Variants in SINHCAF observed in about 807,000 individuals in gnomAD.
The protein encoded by SINHCAF is SIN3-HDAC complex-associated factor.
In SINHCAF, 3 loss-of-function variants were observed where a neutral mutation model predicts 25.8. The ratio of observed to expected loss-of-function variants is 0.12; its 90% CI spans 0.05 to 0.30. SINHCAF has a LOEUF of 0.30. SINHCAF is among the 10% of genes least tolerant of loss of function. The probability of loss-of-function intolerance (pLI) is 1.00; values close to 1 mark genes in which losing one functional copy is unlikely to be tolerated. For synonymous variants in SINHCAF, 70 were observed against 85.5 expected (o/e 0.82, Z 1.00); for missense variants, 121 against 262.3 (o/e 0.46, Z 3.72).
chr12:31,316,034 T>C (rs1282879537), intron 1 of SINHCAF, among the ~76,000 whole-genome samples: 1 of 152,080 alleles, frequency 6.6e-6, no homozygotes, highest in Admixed American at 6.6e-5. Context: ...GGCGTAGTAG[T>C]GGCAGACGCC....
intron 2 of SINHCAF, among the ~76,000 whole-genome samples, chr12:31,296,462 G>A (rs1318713129): frequency 1.3e-5 from 2 of 151,638 alleles, no homozygotes; most frequent in African/African-American, 4.8e-5. Context: ...CACCACACCC[G>A]GCCTGTGTAG....
At chr12:31,305,951 C>T (rs1445224867) in intron 1 of SINHCAF, among the ~76,000 whole-genome samples, 4 of 152,120 alleles carry the variant, frequency 2.6e-5, no homozygotes, top group Non-Finnish European at 4.4e-5. Flanking sequence ...CCGCCCGCCT[C>T]GGCCTCCCAA....
Position 31,282,641 on chromosome 12 carries a change from G to A in SINHCAF, c.*71C>T. On this transcript the variant is annotated 3_prime_UTR_variant, in exon 6 of 6. Transcript: ENST00000337682. ...CCGTCTCAAAAAAAAAAGAGGGTCA[G>A]TTTGTAGCTTTGTGGTTTTTCAAAA... is the stretch of plus-strand genomic sequence containing the variant. The A allele has an allele frequency of 7.3e-7, 1 of 1,361,316 alleles. No homozygotes were observed. The highest frequency in any genetic ancestry group is 1.5e-5 in the South Asian group (1 of 68,150). The allele number at this position is 1,361,316 out of a possible 1,614,324, so 84.3% of individuals were successfully genotyped here.
chr12:31,323,956 G>A, intron 1 of SINHCAF: 1 of 455,876 alleles, frequency 2.2e-6, no homozygotes, highest in South Asian at 1.5e-5. Context: ...TCCGTAAATC[G>A]TGCTTCCCCC....
intron 5 of SINHCAF, among the ~76,000 whole-genome samples, chr12:31,286,933 T>G (rs182603576): frequency 2.9e-4 from 44 of 151,782 alleles, no homozygotes; most frequent in Admixed American, 5.2e-4. Context: ...TTGTTTGTTT[T>G]TTTAAATAGA....
At chr12:31,314,075 A>G (rs1437229473) in intron 1 of SINHCAF, among the ~76,000 whole-genome samples, 1 of 152,146 alleles carries the variant, frequency 6.6e-6, no homozygotes, top group African/African-American at 2.4e-5. Context: ...CCTGTCCGTC[A>G]CTTCTGAACA....
intron 1 of SINHCAF, among the ~76,000 whole-genome samples, chr12:31,309,917 T>C (rs2137118118): frequency 6.6e-6 from 1 of 152,228 alleles, no homozygotes; most frequent in South Asian, 2.1e-4. Flanking sequence ...TCCACCTGCC[T>C]CAGCCTACCA....
intron 3 of SINHCAF, 84 bp downstream of exon 3, chr12:31,295,150 A>C (rs1048409098): frequency 1.0e-4 from 79 of 791,810 alleles, no homozygotes; most frequent in Non-Finnish European, 1.5e-4. Flanking sequence ...CCCTAGGGAT[A>C]TATTACTTCC....
chr12:31,321,282 G>A (rs1182950360), intron 1 of SINHCAF, among the ~76,000 whole-genome samples: 1 of 152,134 alleles, frequency 6.6e-6, no homozygotes. Flanking sequence ...AAAGAAAAAT[G>A]ACATTTTCCA....
intron 5 of SINHCAF, among the ~76,000 whole-genome samples, chr12:31,286,086 A>G (rs1481363411): frequency 1.3e-5 from 2 of 152,160 alleles, no homozygotes; most frequent in Non-Finnish European, 2.9e-5. Flanking sequence ...CTACACTACT[A>G]CCAATATTGT....
At chr12:31,290,312 T>C (rs891580561) in intron 4 of SINHCAF, among the ~76,000 whole-genome samples, 1 of 152,006 alleles carries the variant, frequency 6.6e-6, no homozygotes, top group Non-Finnish European at 1.5e-5. Flanking sequence ...CAACTAATTT[T>C]TTTATATTTT....
chr12:31,312,063 G>C (rs778499824), intron 1 of SINHCAF: 10 of 527,294 alleles, frequency 1.9e-5, no homozygotes, highest in Non-Finnish European at 3.3e-5. Context: ...CAGTCTACAG[G>C]TGTCATCCCA....
intron 1 of SINHCAF, among the ~76,000 whole-genome samples, chr12:31,299,024 T>C (rs1328880959): frequency 6.6e-6 from 1 of 150,664 alleles, no homozygotes; most frequent in East Asian, 2.0e-4. Context: ...GTGAAATAAA[T>C]TGCAGTCCTC....
intron 4 of SINHCAF, among the ~76,000 whole-genome samples, chr12:31,292,913 G>A (rs1484375081): frequency 6.6e-6 from 1 of 152,096 alleles, no homozygotes; most frequent in Non-Finnish European, 1.5e-5. Flanking sequence ...TTTTTTAAAA[G>A]TACTGAGAGC....
rs148076849 is a variant in SINHCAF at position 31,290,415 on chromosome 12, G to A, written c.356-2631C>T. Among the ~76,000 whole-genome samples the A allele has an allele frequency of 3.2e-3, 487 of 152,230 alleles. 9 individuals are homozygous for A. Among genetic ancestry groups the A allele is most frequent in the African/African-American group, 0.011 (451 of 41,546 alleles). ...TTACAGGTGTGAGCCACCACACCCAGTCAAGAAAACGTTTTCTGAATAGAG... is the reference window on the plus strand; with the variant it reads ...TTACAGGTGTGAGCCACCACACCCAATCAAGAAAACGTTTTCTGAATAGAG... On this transcript the variant is annotated intron_variant, in intron 4 of 5. Coordinates refer to ENST00000337682, the MANE Select transcript of SINHCAF (RefSeq NM_001135812.2).
intron 1 of SINHCAF, among the ~76,000 whole-genome samples, chr12:31,308,613 G>A (rs189711197): frequency 6.6e-5 from 10 of 152,216 alleles, no homozygotes; most frequent in African/African-American, 2.4e-4. Flanking sequence ...CAAAGGAGGA[G>A]GTATGCATAC....
At chr12:31,304,316 C>G (rs1938938443) in intron 1 of SINHCAF, 1 of 152,110 alleles carries the variant, frequency 6.6e-6, no homozygotes, top group South Asian at 2.1e-4. Flanking sequence ...TTACTGCAGG[C>G]CTTACAAAGG....
At chr12:31,284,448 C>A (rs981315553) in intron 5 of SINHCAF, among the ~76,000 whole-genome samples, 3 of 152,010 alleles carry the variant, frequency 2.0e-5, no homozygotes, top group African/African-American at 4.8e-5. Flanking sequence ...TGCTGGATAT[C>A]ATTTCATTTT....
chr12:31,299,377 C>G (rs943627063), intron 1 of SINHCAF, among the ~76,000 whole-genome samples: 1 of 151,552 alleles, frequency 6.6e-6, no homozygotes, highest in African/African-American at 2.4e-5. Flanking sequence ...AGTGCGGTGG[C>G]GCGATCTAGG....
Sources: gnomAD v4.1 joint callset for allele counts (sites outside exome capture counted in the v4.1 genomes callset) on GRCh38, gnomAD v4.1.1 for gene constraint, MANE v1.5 for transcripts, NCBI Gene and HGNC (gene_info 2026-07-23, HGNC 2026-07-21) for gene names.